Variants in MSL2 observed in about 807,000 individuals in gnomAD.
MSL2 encodes the protein MSL complex subunit 2.
In MSL2, 2 loss-of-function variants were observed where a neutral mutation model predicts 35.8. That is an observed-to-expected ratio of 0.06 (90% CI 0.02 to 0.18). The LOEUF is 0.18. Ranked by LOEUF, MSL2 falls within the 10% of genes least tolerant of loss-of-function variation. The pLI is 1.00. For missense variants in MSL2, 523 were observed against 706.7 expected, an observed-to-expected ratio of 0.74 and a Z score of 2.95; for synonymous variants, 296 against 255.7, an observed-to-expected ratio of 1.16 and a Z score of -1.50.
In MSL2 at chr3:136,151,696, A is replaced by T; in HGVS notation, c.1185T>A (p.Pro395=). ...IATVPNGGTT[P]KISKTVLLST... is the part of the protein sequence containing the mutation. Reference sequence around the variant, plus strand: ...ATAAAAGTACAGTTTTGCTGATTTTAGGTGTTGTGCCTCCATTGGGAACAG... The same window carrying T: ...ATAAAAGTACAGTTTTGCTGATTTTTGGTGTTGTGCCTCCATTGGGAACAG... The change falls in exon 2 of 2, where the codon CCT becomes CCA. Residue 395 remains proline, a synonymous_variant. Transcript: ENST00000309993. This position sits in a 1 kb window ranked among gnomAD's most constrained non-coding sequence, Gnocchi z 5.2. The T allele has an allele frequency of 6.2e-7, 1 of 1,614,042 alleles. No individual in the cohort carries two copies. The highest frequency in any genetic ancestry group is 1.1e-5 in the South Asian group (1 of 91,078).
chr3:136,188,603 A>C (rs1310372644), intron 1 of MSL2, among the ~76,000 whole-genome samples: 2 of 151,962 alleles, frequency 1.3e-5, no homozygotes, highest in Non-Finnish European at 2.9e-5. Flanking sequence ...TCTGAAATTT[A>C]GCAGGGCATT....
Position 136,195,296 on chromosome 3 carries a change from G to A in MSL2, c.-183C>T, listed in dbSNP as rs561169948. Reference sequence around the variant, plus strand: ...AGCTGAAACAATCCTCCCACACATGGGGCCTTGGCGCCCCTCCGTCCCTGA... The same window carrying A: ...AGCTGAAACAATCCTCCCACACATGAGGCCTTGGCGCCCCTCCGTCCCTGA... On this transcript the variant is annotated 5_prime_UTR_variant, in exon 1 of 2. Coordinates refer to ENST00000309993, the MANE Select transcript of MSL2 (RefSeq NM_018133.4). The A allele has an allele frequency of 1.6e-5, 23 of 1,408,504 alleles. No individual in the cohort carries two copies. The Admixed American group carries it at 4.8e-4, about 30-fold the overall frequency. The allele number at this position is 1,408,504 out of a possible 1,614,324, so 87.3% of individuals were successfully genotyped here.
chr3:136,193,247 A>C (rs934897656), intron 1 of MSL2, among the ~76,000 whole-genome samples: 1 of 152,200 alleles, frequency 6.6e-6, no homozygotes. Context: ...GAAAGCTATT[A>C]ATAGGAACTT....
At chr3:136,184,149 G>T (rs1010853923) in intron 1 of MSL2, among the ~76,000 whole-genome samples, 3 of 151,906 alleles carry the variant, frequency 2.0e-5, no homozygotes, top group Non-Finnish European at 2.9e-5. Context: ...CAAAAAATTA[G>T]CCGGGCGTTG....
At chr3:136,169,251 G>GGGGGGT (rs1939947040) in intron 1 of MSL2, among the ~76,000 whole-genome samples, 2 of 28,154 alleles carry the variant, frequency 7.1e-5, no homozygotes, top group African/African-American at 1.3e-4. Context: ...GGGGGGGGGG[G>GGGGGGT]GTGCTTATTT....
In MSL2 at chr3:136,152,776, A is replaced by C. The variant is rs759508047; in HGVS notation, c.143-38T>G. 12 of 1,586,012 alleles carry C rather than the reference A, an allele frequency of 7.6e-6. No homozygotes were observed. In the East Asian group the frequency reaches 1.8e-4, roughly 24 times the overall value. On this transcript the variant is annotated intron_variant, in intron 1 of 1. Transcript: ENST00000309993. ...AGGAGGAAAGCAAAGATTTTAGTAA[A>C]ATAAATTTACCATTTCATAAACTGA... is the stretch of plus-strand genomic sequence containing the variant.
chr3:136,155,903 G>A (rs1939505647), intron 1 of MSL2: 1 of 567,754 alleles, frequency 1.8e-6, no homozygotes, highest in Non-Finnish European at 3.5e-6. Flanking sequence ...CCTTGTGATG[G>A]ATGAGCACCT....
chr3:136,150,987 A>T lies in MSL2; in HGVS notation c.*160T>A, dbSNP rs540760884. ...TAGGGTTACTCCTCCATTATCTGCA[A>T]ACTATTTCCCCGACACTAACACATA... On this transcript the variant is annotated 3_prime_UTR_variant, in exon 2 of 2. Coordinates refer to ENST00000309993, the MANE Select transcript of MSL2 (RefSeq NM_018133.4). The T allele has an allele frequency of 1.3e-6, 1 of 769,296 alleles. No individual in the cohort carries two copies. The highest frequency in any genetic ancestry group is 2.6e-5 in the Admixed American group (1 of 38,482). 47.7% of individuals were successfully genotyped at this position (769,296 alleles called of 1,614,324 possible).
At chr3:136,176,301 T>G (rs571302637) in intron 1 of MSL2, among the ~76,000 whole-genome samples, 1 of 151,954 alleles carries the variant, frequency 6.6e-6, no homozygotes, top group East Asian at 1.9e-4. Flanking sequence ...ATTGCTTGAG[T>G]CCAGGAGTTC....
chr3:136,194,916 G>A, intron 1 of MSL2, 56 bp downstream of exon 1: 2 of 1,610,462 alleles, frequency 1.2e-6, no homozygotes, highest in Non-Finnish European at 1.7e-6. Flanking sequence ...CGTTACCACT[G>A]CCCAGAAGGC....
At chr3:136,169,252 G>GGGGGGGGT (rs1939947347) in intron 1 of MSL2, among the ~76,000 whole-genome samples, 4 of 35,034 alleles carry the variant, frequency 1.1e-4, no homozygotes, top group Admixed American at 2.3e-4. Flanking sequence ...GGGGGGGGGG[G>GGGGGGGGT]TGCTTATTTT....
At chr3:136,173,074 A>G (rs566000138) in intron 1 of MSL2, among the ~76,000 whole-genome samples, 243 of 152,282 alleles carry the variant, frequency 1.6e-3, no homozygotes, top group African/African-American at 5.6e-3. Context: ...GAGGCACAAA[A>G]ATCGCTTGAA....
At chr3:136,173,594 A>G (rs1042179000) in intron 1 of MSL2, among the ~76,000 whole-genome samples, 2 of 152,090 alleles carry the variant, frequency 1.3e-5, no homozygotes, top group Non-Finnish European at 2.9e-5. Context: ...TTTTATTTGC[A>G]TGACTACTAC....
chr3:136,165,168 A>G lies in MSL2; in HGVS notation c.143-12430T>C, dbSNP rs139904778. Among the ~76,000 whole-genome samples, 1,490 of 151,068 alleles carry G rather than the reference A, an allele frequency of 9.9e-3. 30 individuals carry two copies. The highest frequency in any genetic ancestry group is 0.032 in the African/African-American group (1,325 of 41,086). ...TGGGATTACAGGCATGAGCCACCGC[A>G]CAAGCCCAGACTTTTAAAAAAAAAT... On this transcript the variant is annotated intron_variant, in intron 1 of 1. Transcript: ENST00000309993.
intron 1 of MSL2, among the ~76,000 whole-genome samples, chr3:136,167,540 C>G (rs940996462): frequency 6.6e-6 from 1 of 152,120 alleles, no homozygotes; most frequent in African/African-American, 2.4e-5. Flanking sequence ...ACTAACTAAT[C>G]AATAACCTCA....
intron 1 of MSL2, among the ~76,000 whole-genome samples, chr3:136,188,725 CAA>C (rs11328242): frequency 0.34 from 35,363 of 102,914 alleles, 5,305 homozygotes; most frequent in African/African-American, 0.39. Flanking sequence ...GACCCTGTCT[CAA>C]AAAAAAAAAA....
In MSL2 at chr3:136,195,987, CCA is replaced by C. The variant is rs1940833165; in HGVS notation, c.-876_-875del. ...TCACTGCCCGGCCATTTTTTCGGCG[CCA>C]CACACACAGACGACTCCTCCGCCGA... On this transcript the variant is annotated 5_prime_UTR_variant, in exon 1 of 2. Coordinates refer to ENST00000309993, the MANE Select transcript of MSL2 (RefSeq NM_018133.4). The C allele has an allele frequency of 4.4e-6, 1 of 229,368 alleles. No individual in the cohort carries two copies. The highest frequency in any genetic ancestry group is 2.4e-5 in the African/African-American group (1 of 42,450). 14.2% of individuals were successfully genotyped at this position (229,368 alleles called of 1,614,324 possible).
intron 1 of MSL2, among the ~76,000 whole-genome samples, chr3:136,177,762 A>G (rs1354769686): frequency 6.6e-6 from 1 of 152,008 alleles, no homozygotes; most frequent in East Asian, 1.9e-4. Flanking sequence ...AACGTTCACT[A>G]TAGCACTTTA....
intron 1 of MSL2, among the ~76,000 whole-genome samples, chr3:136,168,500 C>CT (rs1482894517): frequency 2.6e-5 from 4 of 152,144 alleles, no homozygotes; most frequent in African/African-American, 9.7e-5. Context: ...TCTCAGCAAA[C>CT]TAACACAAGA....
Sources: allele counts gnomAD v4.1 joint callset (sites outside exome capture counted in the v4.1 genomes callset), GRCh38; gene constraint gnomAD v4.1.1; non-coding constraint Gnocchi (gnomAD v3.1); transcripts MANE v1.5; gene names NCBI Gene and HGNC (gene_info 2026-07-23, HGNC 2026-07-21).